RPTOR: variants seen among roughly 807,000 people sequenced by gnomAD.
The protein encoded by RPTOR is regulatory-associated protein of mTOR.
RPTOR carries 21 observed loss-of-function variants against 169.9 expected under a neutral mutation model. The observed-to-expected ratio is 0.12, with a 90% CI of 0.09 to 0.18. The LOEUF is 0.18. Ranked by LOEUF, RPTOR falls within the 10% of genes least tolerant of loss-of-function variation. RPTOR has a pLI of 1.00. For missense variants in RPTOR, 1,133 were observed against 1,855.9 expected (o/e 0.61, Z 7.16); for synonymous variants, 732 against 753.2 (o/e 0.97, Z 0.46).
rs947145077 is a variant in RPTOR, at chr17:80,954,144, C to T, written c.3371-3480C>T. Among the ~76,000 whole-genome samples, 5 of 152,200 alleles carry T rather than the reference C, an allele frequency of 3.3e-5. No homozygotes were observed. The East Asian group carries it at 7.7e-4, about 24-fold the overall frequency. On this transcript the variant is annotated intron_variant, in intron 28 of 33. Coordinates refer to ENST00000306801, the MANE Select transcript of RPTOR (RefSeq NM_020761.3). ...ACGGCTAATCTTTTTTCTTTTGAGA[C>T]GGAGTTTCACTCTTGTTGCCCAGGC...
intron 1 of RPTOR, among the ~76,000 whole-genome samples, chr17:80,552,110 G>A (rs1384990243): frequency 1.3e-5 from 2 of 152,148 alleles, no homozygotes. Context: ...ATAAAATGGA[G>A]TCTCCTATGT....
rs138384428 is a variant in RPTOR at position 80,882,642 on chromosome 17, C to T, written c.1585-777C>T. On this transcript the variant is annotated intron_variant, in intron 14 of 33. Transcript: ENST00000306801. ...ACCCCACAGACCATGGCTAGAAAGA[C>T]CACATGTCAGCGAGGAGGAAACGGA... Among the ~76,000 whole-genome samples the T allele has an allele frequency of 2.5e-3, 381 of 152,306 alleles. 3 individuals are homozygous for T. Among genetic ancestry groups the T allele is most frequent in the African/African-American group, 8.7e-3 (360 of 41,558 alleles).
chr17:80,902,131 C>T (rs1448448241), intron 20 of RPTOR, among the ~76,000 whole-genome samples: 1 of 152,198 alleles, frequency 6.6e-6, no homozygotes, highest in Non-Finnish European at 1.5e-5. Context: ...TCAATCCCTC[C>T]TATTTCCAGT....
intron 7 of RPTOR, chr17:80,801,810 G>C (rs978462851): frequency 6.6e-6 from 1 of 152,204 alleles, no homozygotes; most frequent in African/African-American, 2.4e-5. Flanking sequence ...CGCCGAGCGA[G>C]GGGGAGGTGA....
chr17:80,919,233 A>G (rs2068716119), intron 21 of RPTOR, among the ~76,000 whole-genome samples: 1 of 152,222 alleles, frequency 6.6e-6, no homozygotes, highest in Non-Finnish European at 1.5e-5. Flanking sequence ...CGCAGTTTGC[A>G]GGAAAATGAC....
intron 17 of RPTOR, among the ~76,000 whole-genome samples, chr17:80,890,783 C>T (rs2143864593): frequency 6.6e-6 from 1 of 152,150 alleles, no homozygotes; most frequent in African/African-American, 2.4e-5. Context: ...AAGCCCGGGG[C>T]ATGTAAGGCT....
At chr17:80,866,717 A>AG in intron 13 of RPTOR, among the ~76,000 whole-genome samples, 1 of 152,316 alleles carries the variant, frequency 6.6e-6, no homozygotes, top group Non-Finnish European at 1.5e-5. Flanking sequence ...CCACTCACTG[A>AG]GGAAGACATC....
At chr17:80,558,694 A>G (rs2084441323) in intron 1 of RPTOR, among the ~76,000 whole-genome samples, 1 of 151,968 alleles carries the variant, frequency 6.6e-6, no homozygotes, top group South Asian at 2.1e-4. Context: ...AGAGGAGGCC[A>G]TTTTCTTACG....
intron 10 of RPTOR, among the ~76,000 whole-genome samples, chr17:80,839,666 G>A (rs1212643097): frequency 2.6e-5 from 4 of 152,184 alleles, no homozygotes; most frequent in Non-Finnish European, 1.5e-5. Flanking sequence ...GAGTGCCTGC[G>A]CTTTTCCGAA....
chr17:80,858,369 C>T (rs1267821193), intron 13 of RPTOR, among the ~76,000 whole-genome samples: 1 of 152,244 alleles, frequency 6.6e-6, no homozygotes, highest in Non-Finnish European at 1.5e-5. Flanking sequence ...TGGGCCAGGC[C>T]CCGAGGTGTT....
Position 80,710,445 on chromosome 17 carries a change from T to C in RPTOR, c.507+2446T>C, listed in dbSNP as rs576673294. ...GAGAGTTTCTGTGTTCAGTGTATGATGTTTGCCCCAGGCTTTTTGTAAAAC... is the reference window on the plus strand; with the variant it reads ...GAGAGTTTCTGTGTTCAGTGTATGACGTTTGCCCCAGGCTTTTTGTAAAAC... On this transcript the variant is annotated intron_variant, in intron 4 of 33. Transcript: ENST00000306801. 2.0e-5 allele frequency among the ~76,000 whole-genome samples: 3 copies of C among 152,254 alleles called. 1 individual carries two copies. The highest frequency in any genetic ancestry group is 7.2e-5 in the African/African-American group (3 of 41,546).
At chr17:80,944,715 G>C (rs117281544) in intron 25 of RPTOR, among the ~76,000 whole-genome samples, 4,056 of 152,322 alleles carry the variant, frequency 0.027, 77 homozygotes, top group Middle Eastern at 0.044. Flanking sequence ...GGCTTGCCGG[G>C]CATGGTGGCT....
In RPTOR at chr17:80,823,641, T is replaced by TCACACACACACACACACACACACA. The variant is rs3042670; in HGVS notation, c.1136+433_1136+456dup. On this transcript the variant is annotated intron_variant, in intron 9 of 33. Transcript: ENST00000306801. This position sits in a 1 kb window ranked among gnomAD's most constrained non-coding sequence, Gnocchi z 4.5. Reference sequence around the variant, plus strand: ...ATCAATTAGTTTTTATGCTTATTTCTCACACACACACACACACACACACAC... The same window carrying TCACACACACACACACACACACACA: ...ATCAATTAGTTTTTATGCTTATTTCTCACACACACACACACACACACACACACACACACACACACACACACACAC... 1.3e-5 allele frequency: 2 copies of TCACACACACACACACACACACACA among 156,804 alleles called. No individual in the cohort carries two copies. Among genetic ancestry groups the TCACACACACACACACACACACACA allele is most frequent in the Non-Finnish European group, 2.8e-5 (2 of 71,436 alleles). 9.7% of individuals were successfully genotyped at this position (156,804 alleles called of 1,614,324 possible). A position where few individuals can be genotyped will look rare whatever the true frequency, so the allele number is the denominator to read the frequency against.
chr17:80,822,036 C>T (rs542588889), intron 7 of RPTOR, among the ~76,000 whole-genome samples, 165 bp from the exon 8 acceptor site: 1 of 152,336 alleles, frequency 6.6e-6, no homozygotes, highest in East Asian at 1.9e-4. Context: ...GCTGTGAGCT[C>T]ATGGAGAGTT....
intron 7 of RPTOR, among the ~76,000 whole-genome samples, chr17:80,817,099 C>T (rs2067331771): frequency 6.6e-6 from 1 of 152,148 alleles, no homozygotes; most frequent in African/African-American, 2.4e-5. Context: ...GGGCCTGGGT[C>T]CACCGAGCCG....
At chr17:80,666,612 A>G (rs1219121575) in intron 3 of RPTOR, among the ~76,000 whole-genome samples, 1 of 152,182 alleles carries the variant, frequency 6.6e-6, no homozygotes, top group African/African-American at 2.4e-5. Flanking sequence ...TCCTACTGGC[A>G]AAGAATTCTA....
At chr17:80,750,877 A>G (rs12942526) in intron 5 of RPTOR, among the ~76,000 whole-genome samples, 64,550 of 151,978 alleles carry the variant, frequency 0.42, 14,395 homozygotes, top group Non-Finnish European at 0.49. Flanking sequence ...CATTTGAAAC[A>G]GTTAACATGG....
rs1211131533 is a variant in RPTOR at position 80,746,510 on chromosome 17, A to C, written c.655-7500A>C. Among the ~76,000 whole-genome samples, 1 of 152,232 alleles carries C rather than the reference A, an allele frequency of 6.6e-6. No individual in the cohort carries two copies. Among genetic ancestry groups the C allele is most frequent in the Admixed American group, 6.5e-5 (1 of 15,288 alleles). On this transcript the variant is annotated intron_variant, in intron 5 of 33. Transcript: ENST00000306801. This position sits in a 1 kb window ranked among gnomAD's most constrained non-coding sequence, Gnocchi z 4.5. ...TCCGGTTGCTGTGTATCGCATCGCA[A>C]GACTTTTCTGGATCCTTCCCAAATC...
In RPTOR at chr17:80,609,749, A is replaced by C. The variant is rs1006592885; in HGVS notation, c.163-15942A>C. On this transcript the variant is annotated intron_variant, in intron 1 of 33. Coordinates refer to ENST00000306801, the MANE Select transcript of RPTOR (RefSeq NM_020761.3). The surrounding 1 kb of genome is among the most constrained non-coding windows in gnomAD (Gnocchi z 4.8). Reference sequence around the variant, plus strand: ...GACAGAGCGAGATTCTGTCTCAAAAAAAAAAAAAAGTTTAAGGTGTTGGTT... The same window carrying C: ...GACAGAGCGAGATTCTGTCTCAAAACAAAAAAAAAGTTTAAGGTGTTGGTT... Among the ~76,000 whole-genome samples, 2 of 151,294 alleles carry C rather than the reference A, an allele frequency of 1.3e-5. No homozygotes were observed. Among genetic ancestry groups the C allele is most frequent in the Non-Finnish European group, 2.9e-5 (2 of 67,840 alleles).
Sources: allele counts gnomAD v4.1 joint callset (sites outside exome capture counted in the v4.1 genomes callset), GRCh38; gene constraint gnomAD v4.1.1; non-coding constraint Gnocchi (gnomAD v3.1); transcripts MANE v1.5; gene names NCBI Gene and HGNC (gene_info 2026-07-23, HGNC 2026-07-21).